SYT1: variants seen among roughly 807,000 people sequenced by gnomAD.
SYT1 encodes synaptotagmin 1, also known as synaptotagmin-1.
A neutral mutation model predicts 44.8 loss-of-function variants in SYT1; 8 were observed. That is an observed-to-expected ratio of 0.18 (90% CI 0.10 to 0.32). The LOEUF (loss-of-function observed/expected upper bound fraction) is 0.32, where lower values mean the gene tolerates loss of function less well. Among genes scored for constraint, SYT1 ranks in the 10% least tolerant of loss-of-function variants. The probability of loss-of-function intolerance (pLI) is 1.00; values close to 1 mark genes in which losing one functional copy is unlikely to be tolerated. For missense variants in SYT1, 286 were observed against 509.3 expected (o/e 0.56, Z 4.22); for synonymous variants, 154 against 188.8 (o/e 0.82, Z 1.51).
intron 1 of SYT1, among the ~76,000 whole-genome samples, chr12:78,917,461 T>C (rs1876728911): frequency 6.6e-6 from 1 of 151,774 alleles, no homozygotes; most frequent in African/African-American, 2.4e-5. Context: ...GGGCCTGTGG[T>C]GGGGTGAGGG....
At position 79,179,380 on chromosome 12, in the gene SYT1, A is replaced by ATATATC. The variant is rs1565842022; in HGVS notation, c.-17-38122_-17-38117dup. Among the ~76,000 whole-genome samples the ATATATC allele has an allele frequency of 1.7e-4, 13 of 76,786 alleles. 3 individuals carry two copies. Among genetic ancestry groups the ATATATC allele is most frequent in the African/African-American group, 7.6e-4 (12 of 15,804 alleles). 50.4% of individuals were successfully genotyped at this position (76,786 alleles called of 152,430 possible). On this transcript the variant is annotated intron_variant, in intron 3 of 10. Coordinates refer to ENST00000261205, the MANE Select transcript of SYT1 (RefSeq NM_005639.3). ...GATATAGATATAGATATAGATATAG[A>ATATATC]TATATCGATATAGATATCCATATAG...
At chr12:78,914,316 T>A (rs1049926543) in intron 1 of SYT1, among the ~76,000 whole-genome samples, 1 of 151,488 alleles carries the variant, frequency 6.6e-6, no homozygotes, top group Non-Finnish European at 1.5e-5. Context: ...TAATGAAGAG[T>A]GAGGTGCATA....
chr12:79,009,295 C>T (rs1469436870), intron 2 of SYT1, among the ~76,000 whole-genome samples: 3 of 151,398 alleles, frequency 2.0e-5, no homozygotes, highest in African/African-American at 4.9e-5. Flanking sequence ...AAAGAGCCCT[C>T]TGGTTTTTGT....
intron 3 of SYT1, among the ~76,000 whole-genome samples, chr12:79,147,683 A>G (rs184713179): frequency 2.0e-5 from 3 of 152,320 alleles, no homozygotes; most frequent in Admixed American, 2.0e-4. Context: ...CAGTCCCATC[A>G]CAATGATTAA....
chr12:78,952,531 T>A (rs142820323), intron 1 of SYT1, among the ~76,000 whole-genome samples: 2 of 152,272 alleles, frequency 1.3e-5, no homozygotes, highest in Non-Finnish European at 2.9e-5. Flanking sequence ...CCATGACTCA[T>A]CCTCTGTTCA....
chr12:79,147,921 G>A (rs927243325), intron 3 of SYT1, among the ~76,000 whole-genome samples: 4 of 152,142 alleles, frequency 2.6e-5, no homozygotes, highest in Admixed American at 2.6e-4. Flanking sequence ...GTTTGAAATA[G>A]GAAGTTTTGA....
intron 9 of SYT1, among the ~76,000 whole-genome samples, chr12:79,421,075 T>C (rs1171227289): frequency 6.6e-6 from 1 of 152,150 alleles, no homozygotes; most frequent in African/African-American, 2.4e-5. Flanking sequence ...GGAGGGAATT[T>C]ATTGTTAGTA....
At chr12:79,410,506 C>CAAAAAAAA (rs5799432) in intron 9 of SYT1, among the ~76,000 whole-genome samples, 73 of 75,892 alleles carry the variant, frequency 9.6e-4, no homozygotes, top group East Asian at 1.2e-3. Flanking sequence ...TGTTCAAAGT[C>CAAAAAAAA]AAAAAAAAAA....
chr12:79,132,363 C>T (rs542142559), intron 3 of SYT1, among the ~76,000 whole-genome samples: 25 of 151,282 alleles, frequency 1.7e-4, no homozygotes, highest in East Asian at 7.8e-4. Flanking sequence ...GCAGGAGAAT[C>T]GTTTGAACCT....
At chr12:79,426,297 G>A (rs1459797582) in intron 9 of SYT1, among the ~76,000 whole-genome samples, 1 of 152,072 alleles carries the variant, frequency 6.6e-6, no homozygotes, top group Admixed American at 6.6e-5. Context: ...AAATGATAGT[G>A]CTTAGCATTT....
Position 78,931,219 on chromosome 12 carries a change from GAAAGAAAGAAAGAAAGAAA to G in SYT1, c.-216-46579_-216-46561del, listed in dbSNP as rs1469842839. ...AGAAAGAAAGAAAGAAAGAAAGAAAGAAAGAAAGAAAGAAAGAAAGAAGGAAGGAAGGAAGGAAGGAAGG... is the reference window on the plus strand; with the variant it reads ...AGAAAGAAAGAAAGAAAGAAAGAAAGGAAGGAAGGAAGGAAGGAAGGAAGG... On this transcript the variant is annotated intron_variant, in intron 1 of 10. Transcript: ENST00000261205. Among the ~76,000 whole-genome samples the G allele has an allele frequency of 2.9e-3, 168 of 57,448 alleles. 10 individuals carry two copies. The highest frequency in any genetic ancestry group is 0.014 in the African/African-American group (148 of 10,416). 37.7% of individuals were successfully genotyped at this position (57,448 alleles called of 152,430 possible).
In SYT1 at chr12:78,939,093, A is replaced by C. The variant is rs575694461; in HGVS notation, c.-216-38706A>C. 3.9e-5 allele frequency among the ~76,000 whole-genome samples: 6 copies of C among 152,294 alleles called. No homozygotes were observed. In the South Asian group the frequency reaches 1.2e-3, roughly 32 times the overall value. On this transcript the variant is annotated intron_variant, in intron 1 of 10. Coordinates refer to ENST00000261205, the MANE Select transcript of SYT1 (RefSeq NM_005639.3). ...GCCTTAAGATCTGTGGTATTGCCCA[A>C]GTTCCTACTGCAGATTAAAACTTTT...
In SYT1 at chr12:79,031,751, T is replaced by A. The variant is rs1872842845; in HGVS notation, c.-83-15546T>A. Among the ~76,000 whole-genome samples, 3 of 150,952 alleles carry A rather than the reference T, an allele frequency of 2.0e-5. No individual in the cohort carries two copies. The South Asian group carries it at 6.2e-4, about 31-fold the overall frequency. On this transcript the variant is annotated intron_variant, in intron 2 of 10. Coordinates refer to ENST00000261205, the MANE Select transcript of SYT1 (RefSeq NM_005639.3). Reference sequence around the variant, plus strand: ...TTATCAGACTGGGAAAGAGGAAAAATGAGACATAGAATAAGATATAATAAT... The same window carrying A: ...TTATCAGACTGGGAAAGAGGAAAAAAGAGACATAGAATAAGATATAATAAT...
intron 3 of SYT1, among the ~76,000 whole-genome samples, chr12:79,115,719 T>C (rs927573215): frequency 6.6e-6 from 1 of 152,208 alleles, no homozygotes; most frequent in African/African-American, 2.4e-5. Context: ...TTTTAAATTA[T>C]AATTACTAAT....
At chr12:78,889,634 C>T (rs1874937826) in intron 1 of SYT1, among the ~76,000 whole-genome samples, 2 of 151,138 alleles carry the variant, frequency 1.3e-5, no homozygotes, top group South Asian at 2.1e-4. Flanking sequence ...GGGAACATAA[C>T]GAAGAGCCCA....
intron 8 of SYT1, among the ~76,000 whole-genome samples, chr12:79,300,193 G>A (rs191772460): frequency 1.3e-5 from 2 of 152,228 alleles, no homozygotes; most frequent in African/African-American, 4.8e-5. Context: ...TATGTTTAGT[G>A]CATTTAAGCT....
chr12:79,268,658 T>C (rs749102176), intron 4 of SYT1, among the ~76,000 whole-genome samples: 9 of 152,192 alleles, frequency 5.9e-5, no homozygotes, highest in Non-Finnish European at 1.3e-4. Flanking sequence ...TATATTCCAG[T>C]TTCCTCTTTG....
intron 1 of SYT1, among the ~76,000 whole-genome samples, chr12:78,876,758 A>ATAAT (rs1565697539): frequency 6.0e-5 from 6 of 99,592 alleles, no homozygotes; most frequent in African/African-American, 2.4e-4. Context: ...ATTGTATATT[A>ATAAT]TATATATTAT....
intron 8 of SYT1, among the ~76,000 whole-genome samples, chr12:79,322,838 C>A (rs1208265183): frequency 6.6e-6 from 1 of 152,120 alleles, no homozygotes; most frequent in Non-Finnish European, 1.5e-5. Context: ...AAAAGAAAGA[C>A]ATTCAAATGT....
Sources: allele counts gnomAD v4.1 joint callset (sites outside exome capture counted in the v4.1 genomes callset), GRCh38; gene constraint gnomAD v4.1.1; transcripts MANE v1.5; gene names NCBI Gene and HGNC (gene_info 2026-07-23, HGNC 2026-07-21).